The following RBM28 variants were observed in gnomAD, a reference collection of about 807,000 sequenced individuals.
The protein encoded by RBM28 is RNA-binding protein 28.
RBM28 carries 78 observed loss-of-function variants against 98.3 expected under a neutral mutation model. That is an observed-to-expected ratio of 0.79 (90% CI 0.66 to 0.96). The LOEUF is 0.96. Ranked by LOEUF, RBM28 falls within the 40% of genes least tolerant of loss-of-function variation. The pLI is 0.00. For missense variants in RBM28, 838 were observed against 913.0 expected (o/e 0.92, Z 1.06); for synonymous variants, 306 against 330.9 (o/e 0.92, Z 0.82).
rs142554927 is a variant in RBM28, at chr7:128,319,796, G to A, written c.1563+1470C>T. Reference sequence around the variant, plus strand: ...AGTATGACAGAGATATGCAAGGCCAGGCCCAGTGGTTCACTGTTATAATTC... The same window carrying A: ...AGTATGACAGAGATATGCAAGGCCAAGCCCAGTGGTTCACTGTTATAATTC... On this transcript the variant is annotated intron_variant, in intron 14 of 18. Coordinates refer to ENST00000223073, the MANE Select transcript of RBM28 (RefSeq NM_018077.3). 9.4e-4 allele frequency among the ~76,000 whole-genome samples: 143 copies of A among 152,294 alleles called. 1 individual carries two copies. The highest frequency in any genetic ancestry group is 3.3e-3 in the African/African-American group (139 of 41,552).
At chr7:128,339,114 C>A in intron 3 of RBM28, 113 bp downstream of exon 3, 4 of 1,016,008 alleles carry the variant, frequency 3.9e-6, no homozygotes, top group Non-Finnish European at 6.2e-6. Flanking sequence ...AAGGTTGATT[C>A]CCAGAAGGAA....
Position 128,306,018 on chromosome 7 carries a change from CA to C in RBM28, c.*4778del, listed in dbSNP as rs1435335981. 1 of 152,342 alleles carries C rather than the reference CA, an allele frequency of 6.6e-6. No homozygotes were observed. Among genetic ancestry groups the C allele is most frequent in the African/African-American group, 2.4e-5 (1 of 41,562 alleles). 9.4% of individuals were successfully genotyped at this position (152,342 alleles called of 1,614,324 possible). On this transcript the variant is annotated 3_prime_UTR_variant, in exon 19 of 19. Transcript: ENST00000223073. The stretch of plus-strand genomic sequence containing the variant: ...ACTAAGCATTGCCATGTACCAGGCC[CA>C]GGGGCTGGGACTATGGGAGCTAGTT...
In RBM28 at chr7:128,299,096, A is replaced by T. The variant is rs1249458907; in HGVS notation, c.*11701T>A. On this transcript the variant is annotated 3_prime_UTR_variant, in exon 19 of 19. Coordinates refer to ENST00000223073, the MANE Select transcript of RBM28 (RefSeq NM_018077.3). The stretch of plus-strand genomic sequence containing the variant: ...ACACAGAGAAAACTATCTCTGCAAG[A>T]AGAGTTTGTTATGCAGTTCCCAGGA... 13 of 152,032 alleles carry T rather than the reference A, an allele frequency of 8.6e-5. No individual in the cohort carries two copies. The highest frequency in any genetic ancestry group is 8.5e-4 in the Admixed American group (13 of 15,258). The allele number at this position is 152,032 out of a possible 1,614,324, so 9.4% of individuals were successfully genotyped here. A position where few individuals can be genotyped will look rare whatever the true frequency, so the allele number is the denominator to read the frequency against.
Position 128,313,164 on chromosome 7 carries a change from G to A in RBM28, c.2145+11C>T. On this transcript the variant is annotated intron_variant, in intron 18 of 18. Transcript: ENST00000223073. ...ATGCCATACCAAAGCTGTATGTCCTGCAGAACTCACCTGCTCGGACGATAA... is the reference window on the plus strand; with the variant it reads ...ATGCCATACCAAAGCTGTATGTCCTACAGAACTCACCTGCTCGGACGATAA... 6.2e-7 allele frequency: 1 copy of A among 1,610,174 alleles called. No homozygotes were observed. The highest frequency in any genetic ancestry group is 8.5e-7 in the Non-Finnish European group (1 of 1,176,478).
chr7:128,327,519 A>C (rs1225296159), intron 10 of RBM28, among the ~76,000 whole-genome samples: 1 of 149,234 alleles, frequency 6.7e-6, no homozygotes, highest in African/African-American at 2.5e-5. Context: ...TTTTTTTTTG[A>C]GACGGAGTTT....
At chr7:128,334,777 T>C (rs1796561056) in intron 8 of RBM28, among the ~76,000 whole-genome samples, 1 of 152,150 alleles carries the variant, frequency 6.6e-6, no homozygotes, top group Non-Finnish European at 1.5e-5. Flanking sequence ...CAAATATAAT[T>C]GTATTTGGAG....
At chr7:128,331,146 A>G (rs1475768971) in intron 9 of RBM28, among the ~76,000 whole-genome samples, 1 of 152,192 alleles carries the variant, frequency 6.6e-6, no homozygotes, top group Non-Finnish European at 1.5e-5. Context: ...AGACACATAC[A>G]AAGACCAGAA....
In RBM28 at chr7:128,339,751, T is replaced by C. The variant is rs1796682811; in HGVS notation, c.159A>G (p.Ser53=). The C allele has an allele frequency of 6.2e-7, 1 of 1,613,898 alleles. No individual in the cohort carries two copies. The change falls in exon 2 of 19, where the codon TCA becomes TCG. Residue 53 remains serine (S), a synonymous_variant. Transcript: ENST00000223073. The part of the protein sequence containing the change: ...ACRGFGYVTF[S]MLEDVQRALK... ...GGGCCCTCTGAACATCTTCCAGCATTGAAAAAGTGACATAGCCAAAGCCTC... is the reference window on the plus strand; with the variant it reads ...GGGCCCTCTGAACATCTTCCAGCATCGAAAAAGTGACATAGCCAAAGCCTC...
In RBM28 at chr7:128,301,308, T is replaced by C. The variant is rs929104785; in HGVS notation, c.*9489A>G. The C allele has an allele frequency of 6.6e-6, 1 of 152,286 alleles. No individual in the cohort carries two copies. The highest frequency in any genetic ancestry group is 2.4e-5 in the African/African-American group (1 of 41,458). 9.4% of individuals were successfully genotyped at this position (152,286 alleles called of 1,614,324 possible). A position where few individuals can be genotyped will look rare whatever the true frequency, so the allele number is the denominator to read the frequency against. ...AAGAGGACTGGAGGGTCTGAGTGAT[T>C]TGTCCAGGGTCATCCTCTGTCCTTT... On this transcript the variant is annotated 3_prime_UTR_variant, in exon 19 of 19. Coordinates refer to ENST00000223073, the MANE Select transcript of RBM28 (RefSeq NM_018077.3).
At position 128,321,119 on chromosome 7, in the gene RBM28, T is replaced by C. The variant is rs539032429; in HGVS notation, c.1563+147A>G. On this transcript the variant is annotated intron_variant, in intron 14 of 18. Transcript: ENST00000223073. ...AGGAGGAGGTTGCAGTGAGTCAAGA[T>C]TGCACCGCTGCACTACAGCCTGGGC... The C allele has an allele frequency of 9.5e-5, 105 of 1,107,778 alleles. No individual in the cohort carries two copies. In the South Asian group the frequency reaches 1.3e-3, roughly 13 times the overall value. 68.6% of individuals were successfully genotyped at this position (1,107,778 alleles called of 1,614,324 possible).
At position 128,343,722 on chromosome 7, in the gene RBM28, G is replaced by A; in HGVS notation, c.72C>T (p.Phe24=). 1.2e-6 allele frequency: 2 copies of A among 1,611,920 alleles called. No homozygotes were observed. The highest frequency in any genetic ancestry group is 1.7e-6 in the Non-Finnish European group (2 of 1,178,910). The change falls in exon 1 of 19, where the codon TTC becomes TTT. Residue 24 remains phenylalanine (F), a synonymous_variant. Transcript: ENST00000223073. ...ACTGCTTCACCGGCCCCACCTGACT[G>A]AACAGTTCCTCCAGCTGCTCACTGC... ...SARSEQLEEL[F]SQVGPVKQCF...
rs767180982 is a variant in RBM28 at position 128,306,790 on chromosome 7, A to G, written c.*4007T>C. On this transcript the variant is annotated 3_prime_UTR_variant, in exon 19 of 19. Transcript: ENST00000223073. ...GTCTGTGCCTTCCAATCTTCCCAGT[A>G]TATTCCTTTACCAGCACAAAAACTC... The G allele has an allele frequency of 6.6e-6, 1 of 152,494 alleles. No homozygotes were observed. Among genetic ancestry groups the G allele is most frequent in the South Asian group, 2.1e-4 (1 of 4,836 alleles). 9.4% of individuals were successfully genotyped at this position (152,494 alleles called of 1,614,324 possible).
rs947377543 is a variant in RBM28, at chr7:128,302,755, A to G, written c.*8042T>C. On this transcript the variant is annotated 3_prime_UTR_variant, in exon 19 of 19. Coordinates refer to ENST00000223073, the MANE Select transcript of RBM28 (RefSeq NM_018077.3). ...TAGCAGGAAAAGAAGCTGGTCAAGT[A>G]AAGGGTTTAATCCTTTTTTATTTTT... 2 of 152,182 alleles carry G rather than the reference A, an allele frequency of 1.3e-5. No homozygotes were observed. The highest frequency in any genetic ancestry group is 2.9e-5 in the Non-Finnish European group (2 of 68,030). 9.4% of individuals were successfully genotyped at this position (152,182 alleles called of 1,614,324 possible).
chr7:128,326,288 G>C (rs1796349086), intron 10 of RBM28, among the ~76,000 whole-genome samples: 1 of 140,462 alleles, frequency 7.1e-6, no homozygotes, highest in African/African-American at 2.7e-5. Flanking sequence ...GGGCAACAGA[G>C]CAAGACTCCG....
intron 18 of RBM28, among the ~76,000 whole-genome samples, chr7:128,312,619 A>G (rs143892782): frequency 2.6e-4 from 39 of 147,946 alleles, no homozygotes; most frequent in African/African-American, 9.2e-4. Context: ...TAGAGAAGAA[A>G]AAAATGATTT....
chr7:128,343,779 G>A lies in RBM28; in HGVS notation c.15C>T (p.Thr5=). The part of the protein sequence containing the change: MAGL[T]LFVGRLPPSA... ...AGGGCGGGAGGCGGCCCACAAATAA[G>A]GTCAGGCCGGCCATGAGACCGGGAA... Residue 5 remains threonine (T), a synonymous_variant, in exon 1 of 19, where the codon ACC becomes ACT. Transcript: ENST00000223073. 1 of 1,605,842 alleles carries A rather than the reference G, an allele frequency of 6.2e-7. No homozygotes were observed. The highest frequency in any genetic ancestry group is 8.5e-7 in the Non-Finnish European group (1 of 1,176,062).
rs1430584547 is a variant in RBM28 at position 128,310,871 on chromosome 7, G to A, written c.2206C>T (p.Gln736Ter). Residue 736 changes from glutamine (Q) to a stop codon, truncating the protein, a stop_gained, in exon 19 of 19, where the codon CAA becomes TAA. Transcript: ENST00000223073. LOFTEE classifies it high-confidence loss of function. ...GGTCCCAATAATTTCTGCTTATATT[G>A]TTCGACCAGCTGGTTGAAGCGGGTT... is the stretch of plus-strand genomic sequence containing the variant. The part of the protein sequence containing the change: ...TETRFNQLVE[Q>*]YKQKLLGPSK... The A allele has an allele frequency of 1.2e-6, 2 of 1,614,008 alleles. No individual in the cohort carries two copies. Among genetic ancestry groups the A allele is most frequent in the East Asian group, 2.2e-5 (1 of 44,894 alleles).
chr7:128,342,446 A>G (rs1397137390), intron 1 of RBM28, among the ~76,000 whole-genome samples: 1 of 152,066 alleles, frequency 6.6e-6, no homozygotes, highest in African/African-American at 2.4e-5. Flanking sequence ...AACATCCTAC[A>G]TGAGGCGGGC....
intron 18 of RBM28, 29 bp downstream of exon 18, chr7:128,313,141 GCCATA>G (rs1410711147): frequency 7.6e-6 from 12 of 1,586,360 alleles, no homozygotes; most frequent in Admixed American, 1.7e-5. Context: ...GCAGAACCAT[GCCATA>G]CCAAAGCTGT....
Sources: allele counts gnomAD v4.1 joint callset (sites outside exome capture counted in the v4.1 genomes callset), GRCh38; gene constraint gnomAD v4.1.1; transcripts MANE v1.5; gene names NCBI Gene and HGNC (gene_info 2026-07-23, HGNC 2026-07-21).